PRR5L: variants seen among roughly 807,000 people sequenced by gnomAD.
The protein encoded by PRR5L is proline rich 5 like.
In PRR5L, 21 loss-of-function variants were observed where a neutral mutation model predicts 36.4. The ratio of observed to expected loss-of-function variants is 0.58; its 90% CI spans 0.41 to 0.83. The LOEUF (loss-of-function observed/expected upper bound fraction) is 0.83, where lower values mean the gene tolerates loss of function less well. Among genes scored for constraint, PRR5L ranks in the 40% least tolerant of loss-of-function variants. The probability of loss-of-function intolerance (pLI) is 0.00; values close to 1 mark genes in which losing one functional copy is unlikely to be tolerated. For synonymous variants in PRR5L, 188 were observed against 197.0 expected, an observed-to-expected ratio of 0.95 and a Z score of 0.38; for missense variants, 381 against 473.3, an observed-to-expected ratio of 0.80 and a Z score of 1.81.
At chr11:36,443,919 C>CTCTTA (rs1436278632) in intron 6 of PRR5L, among the ~76,000 whole-genome samples, 4 of 152,176 alleles carry the variant, frequency 2.6e-5, no homozygotes, top group Admixed American at 1.3e-4. Context: ...ACAGTAGGCT[C>CTCTTA]TCTTATACAC....
In PRR5L at chr11:36,377,204, A is replaced by AAGGGC. The variant is rs1183976774; in HGVS notation, c.-125-23783_-125-23779dup. Among the ~76,000 whole-genome samples the AAGGGC allele has an allele frequency of 1.3e-5, 2 of 152,218 alleles. No homozygotes were observed. Among genetic ancestry groups the AAGGGC allele is most frequent in the Non-Finnish European group, 2.9e-5 (2 of 68,004 alleles). The stretch of plus-strand genomic sequence containing the variant: ...TTTTCTGGAGGGAGGCGTGGGAGAG[A>AAGGGC]AGGGCAGGGCAGGGAGCCACTTTGT... On this transcript the variant is annotated intron_variant, in intron 1 of 8. Coordinates refer to ENST00000530639, the MANE Select transcript of PRR5L (RefSeq NM_001160167.2). The surrounding 1 kb of genome is among the most constrained non-coding windows in gnomAD (Gnocchi z 5.1).
chr11:36,358,028 T>G (rs1348798644), intron 1 of PRR5L, among the ~76,000 whole-genome samples: 1 of 152,212 alleles, frequency 6.6e-6, no homozygotes, highest in African/African-American at 2.4e-5. Context: ...AGTTGAAACC[T>G]CAGCATTAAC....
intron 1 of PRR5L, among the ~76,000 whole-genome samples, chr11:36,345,443 T>C (rs1458724351): frequency 1.3e-5 from 2 of 152,142 alleles, no homozygotes; most frequent in Non-Finnish European, 2.9e-5. Flanking sequence ...AACCTAGGGA[T>C]TGTGCCCCGT....
chr11:36,403,221 C>T, intron 2 of PRR5L, 77 bp from the exon 3 acceptor site: 2 of 1,274,414 alleles, frequency 1.6e-6, no homozygotes, highest in South Asian at 2.5e-5. Flanking sequence ...ACTCCACACA[C>T]CTTCAGCCCT....
chr11:36,381,114 C>T (rs1590508581), intron 1 of PRR5L, among the ~76,000 whole-genome samples: 1 of 152,168 alleles, frequency 6.6e-6, no homozygotes, highest in African/African-American at 2.4e-5. Flanking sequence ...TTTTGAGGTG[C>T]GAATATGTTT....
At chr11:36,397,286 G>A (rs774344315) in intron 1 of PRR5L, among the ~76,000 whole-genome samples, 6 of 142,340 alleles carry the variant, frequency 4.2e-5, no homozygotes, top group South Asian at 2.2e-4. Flanking sequence ...GTCTGATTTC[G>A]AACTCCTGCC....
At chr11:36,417,276 A>G (rs188528649) in intron 3 of PRR5L, among the ~76,000 whole-genome samples, 2 of 152,306 alleles carry the variant, frequency 1.3e-5, no homozygotes, top group Admixed American at 6.5e-5. Context: ...AGACTTCCCA[A>G]GGATGACGAA....
chr11:36,362,700 A>C (rs1353313961), intron 1 of PRR5L, among the ~76,000 whole-genome samples: 1 of 152,058 alleles, frequency 6.6e-6, no homozygotes, highest in Non-Finnish European at 1.5e-5. Flanking sequence ...CCTTCCTTCC[A>C]TAAAAGGTCT....
At position 36,462,701 on chromosome 11, in the gene PRR5L, G is replaced by A; in HGVS notation, c.1072G>A (p.Glu358Lys). Residue 358 changes from glutamate to lysine, a missense_variant, in exon 9 of 9, where the codon GAG (glutamate) becomes AAG (lysine). Physicochemically the swap from Glu to Lys is moderately conservative, Grantham distance 56. Coordinates refer to ENST00000530639, the MANE Select transcript of PRR5L (RefSeq NM_001160167.2). ...GGAGGAGGGGGCCAGGGGCAGCCAG[G>A]AGGGCTCGGAGCTGAACTGTGCTTC... Reference protein sequence around the residue: ...GLEEGARGSQEGSELNCASLS With the variant: ...GLEEGARGSQKGSELNCASLS 6.3e-7 allele frequency: 1 copy of A among 1,593,400 alleles called. No homozygotes were observed. Among genetic ancestry groups the A allele is most frequent in the Non-Finnish European group, 8.5e-7 (1 of 1,170,302 alleles).
chr11:36,343,396 A>T (rs1565400930), intron 1 of PRR5L, among the ~76,000 whole-genome samples: 1 of 152,160 alleles, frequency 6.6e-6, no homozygotes, highest in Non-Finnish European at 1.5e-5. Flanking sequence ...TACTTAGAGG[A>T]TTTCTTTGTT....
chr11:36,320,784 C>A (rs1178379455), intron 1 of PRR5L, among the ~76,000 whole-genome samples: 1 of 152,122 alleles, frequency 6.6e-6, no homozygotes, highest in Non-Finnish European at 1.5e-5. Context: ...TATTTAAATT[C>A]TTGGAATCTT....
intron 1 of PRR5L, among the ~76,000 whole-genome samples, chr11:36,319,636 A>G (rs1194093036): frequency 6.6e-6 from 1 of 151,956 alleles, no homozygotes; most frequent in Admixed American, 6.6e-5. Flanking sequence ...GCTTGGCACA[A>G]GAGCAATACT....
At chr11:36,414,128 G>T (rs994984112) in intron 3 of PRR5L, among the ~76,000 whole-genome samples, 18 of 151,052 alleles carry the variant, frequency 1.2e-4, no homozygotes, top group African/African-American at 3.4e-4. Flanking sequence ...GGACATTTGG[G>T]TTGGTTCCAA....
chr11:36,395,205 A>G (rs1004906523), intron 1 of PRR5L, among the ~76,000 whole-genome samples: 4 of 152,208 alleles, frequency 2.6e-5, no homozygotes, highest in Non-Finnish European at 5.9e-5. Flanking sequence ...ATCTACCCAT[A>G]GGGGACTGGT....
chr11:36,318,688 G>A (rs1347029488), intron 1 of PRR5L, among the ~76,000 whole-genome samples: 2 of 152,168 alleles, frequency 1.3e-5, no homozygotes, highest in Non-Finnish European at 2.9e-5. Flanking sequence ...GATTTCAGGG[G>A]AAAGGTTAGG....
chr11:36,381,119 A>G (rs1857359967), intron 1 of PRR5L, among the ~76,000 whole-genome samples: 1 of 152,192 alleles, frequency 6.6e-6, no homozygotes, highest in African/African-American at 2.4e-5. Context: ...AGGTGCGAAT[A>G]TGTTTCCCTC....
intron 6 of PRR5L, among the ~76,000 whole-genome samples, chr11:36,438,242 A>C (rs891132782): frequency 6.6e-6 from 1 of 152,008 alleles, no homozygotes; most frequent in Admixed American, 6.5e-5. Flanking sequence ...TCCAAAATAC[A>C]TGTCTCTCTC....
intron 1 of PRR5L, among the ~76,000 whole-genome samples, chr11:36,298,152 G>C (rs1856333403): frequency 1.3e-5 from 2 of 152,126 alleles, no homozygotes; most frequent in Non-Finnish European, 2.9e-5. Flanking sequence ...TGCCGTATTA[G>C]TTTGCTGGGA....
chr11:36,406,509 T>C (rs1857915451), intron 3 of PRR5L, among the ~76,000 whole-genome samples: 1 of 152,244 alleles, frequency 6.6e-6, no homozygotes, highest in Non-Finnish European at 1.5e-5. Context: ...GTGACCTGGA[T>C]GTCTCAAGTT....
Sources: allele counts gnomAD v4.1 joint callset (sites outside exome capture counted in the v4.1 genomes callset), GRCh38; gene constraint gnomAD v4.1.1; non-coding constraint Gnocchi (gnomAD v3.1); transcripts MANE v1.5; gene names NCBI Gene and HGNC (gene_info 2026-07-23, HGNC 2026-07-21).